Variants in LIFR observed in about 807,000 individuals in gnomAD.
The protein encoded by LIFR is leukemia inhibitory factor receptor.
LIFR carries 84 observed loss-of-function variants against 122.2 expected under a neutral mutation model. The ratio of observed to expected loss-of-function variants is 0.69; its 90% confidence interval spans 0.58 to 0.82. The LOEUF (loss-of-function observed/expected upper bound fraction) is 0.82. Among genes scored for constraint, LIFR ranks in the 40% least tolerant of loss-of-function variants. LIFR has a pLI of 0.00. For missense variants in LIFR, 1,294 were observed against 1,311.6 expected, an observed-to-expected ratio of 0.99 and a Z score of 0.21; for synonymous variants, 422 against 434.7, an observed-to-expected ratio of 0.97 and a Z score of 0.36.
chr5:38,594,769 T>C (rs571825542), intron 1 of LIFR, among the ~76,000 whole-genome samples: 15 of 152,318 alleles, frequency 9.8e-5, no homozygotes. Flanking sequence ...GCTGATAATC[T>C]AATGTAGTTA....
chr5:38,504,594 CA>C (rs113723055), intron 9 of LIFR, among the ~76,000 whole-genome samples: 12 of 151,440 alleles, frequency 7.9e-5, no homozygotes, highest in South Asian at 2.1e-4. Flanking sequence ...AAAAATTAGC[CA>C]AAAAAAATGC....
At position 38,493,676 on chromosome 5, in the gene LIFR, A is replaced by C; in HGVS notation, c.1995T>G (p.Ser665=). 1.2e-6 allele frequency: 2 copies of C among 1,614,218 alleles called. No individual in the cohort carries two copies. The highest frequency in any genetic ancestry group is 1.7e-6 in the Non-Finnish European group (2 of 1,180,032). ...CDYVIKWCNS[S]RSEPCLMDWR... The stretch of plus-strand genomic sequence containing the variant: ...AGTCCATAAGGCATGGTTCCGACCG[A>C]GACGAGTTACACCACTTAATGACGT... Residue 665 remains serine, a synonymous_variant, in exon 14 of 20, where the codon TCT becomes TCG. Coordinates refer to ENST00000453190, the MANE Select transcript of LIFR (RefSeq NM_001127671.2).
At chr5:38,526,733 G>A (rs532738198) in intron 4 of LIFR, among the ~76,000 whole-genome samples, 1 of 151,990 alleles carries the variant, frequency 6.6e-6, no homozygotes, top group Non-Finnish European at 1.5e-5. Flanking sequence ...TATTTATAAT[G>A]CTACCAATAC....
chr5:38,486,601 G>A (rs1418599060), intron 16 of LIFR, among the ~76,000 whole-genome samples: 1 of 152,076 alleles, frequency 6.6e-6, no homozygotes, highest in Non-Finnish European at 1.5e-5. Flanking sequence ...GTACTAAATG[G>A]TTACTAACAA....
intron 1 of LIFR, among the ~76,000 whole-genome samples, chr5:38,552,553 A>G (rs2112657159): frequency 6.6e-6 from 1 of 152,310 alleles, no homozygotes; most frequent in East Asian, 1.9e-4. Context: ...GAACTCTTAC[A>G]CTTATACAAA....
intron 10 of LIFR, 113 bp downstream of exon 10, chr5:38,503,863 G>A: frequency 8.9e-6 from 7 of 790,010 alleles, no homozygotes; most frequent in Non-Finnish European, 1.5e-5. Flanking sequence ...TTGGTTCTTA[G>A]TAAATCTCTA....
intron 4 of LIFR, 40 bp downstream of exon 4, chr5:38,527,115 T>G (rs750598300): frequency 1.1e-4 from 169 of 1,538,230 alleles, no homozygotes; most frequent in Non-Finnish European, 9.8e-5. Context: ...CAAGTGACAC[T>G]TGACTTACTT....
chr5:38,529,794 A>G (rs1271459372), intron 2 of LIFR, among the ~76,000 whole-genome samples: 1 of 152,204 alleles, frequency 6.6e-6, no homozygotes, highest in Non-Finnish European at 1.5e-5. Context: ...GTAGCAATAA[A>G]TTATACGGCT....
At chr5:38,569,734 G>T (rs76581140) in intron 1 of LIFR, among the ~76,000 whole-genome samples, 2 of 152,074 alleles carry the variant, frequency 1.3e-5, no homozygotes, top group Non-Finnish European at 2.9e-5. Context: ...CCCTAAAATC[G>T]CACTGTTGCT....
At chr5:38,547,103 G>C (rs1747934991) in intron 1 of LIFR, among the ~76,000 whole-genome samples, 1 of 152,148 alleles carries the variant, frequency 6.6e-6, no homozygotes, top group Admixed American at 6.5e-5. Context: ...GTGGGGGCAA[G>C]GGGAGTAAAG....
At chr5:38,533,018 T>C (rs1366872014) in intron 1 of LIFR, among the ~76,000 whole-genome samples, 1 of 152,240 alleles carries the variant, frequency 6.6e-6, no homozygotes, top group Non-Finnish European at 1.5e-5. Context: ...AGGTGCAAAC[T>C]GCAGCCCCTC....
At chr5:38,600,363 T>C, upstream of LIFR, among the ~76,000 whole-genome samples, 1 of 152,250 alleles carries the variant, frequency 6.6e-6, no homozygotes, top group East Asian at 1.9e-4. Context: ...AATAAATCTC[T>C]TCAAATACTC....
intron 1 of LIFR, among the ~76,000 whole-genome samples, chr5:38,591,506 T>A (rs901023580): frequency 1.9e-3 from 283 of 152,338 alleles, no homozygotes; most frequent in African/African-American, 6.4e-3. Context: ...ATGCTTTAAC[T>A]TTTCATCTGT....
At chr5:38,588,034 T>C (rs907599354) in intron 1 of LIFR, among the ~76,000 whole-genome samples, 5 of 152,238 alleles carry the variant, frequency 3.3e-5, no homozygotes, top group Non-Finnish European at 7.3e-5. Context: ...ACAAGGCCTG[T>C]TTTATTTTTG....
upstream of LIFR, among the ~76,000 whole-genome samples, chr5:38,600,370 A>T (rs973406333): frequency 6.6e-6 from 1 of 152,020 alleles, no homozygotes; most frequent in Non-Finnish European, 1.5e-5. Context: ...CTCTTCAAAT[A>T]CTCTACAGAG....
At chr5:38,585,471 C>A (rs1002327298) in intron 1 of LIFR, among the ~76,000 whole-genome samples, 1 of 152,216 alleles carries the variant, frequency 6.6e-6, no homozygotes, top group Non-Finnish European at 1.5e-5. Flanking sequence ...GCTTAAAAAA[C>A]ATAATTTGGG....
intron 5 of LIFR, among the ~76,000 whole-genome samples, chr5:38,515,558 C>G (rs1377515587): frequency 6.7e-6 from 1 of 148,992 alleles, no homozygotes; most frequent in Non-Finnish European, 1.5e-5. Context: ...ATCATAGACT[C>G]TATTGGAAAA....
chr5:38,571,322 C>A (rs920410563), intron 1 of LIFR, among the ~76,000 whole-genome samples: 1 of 152,060 alleles, frequency 6.6e-6, no homozygotes, highest in Non-Finnish European at 1.5e-5. Context: ...GAGGCTGAGG[C>A]GGGCGGATCA....
At chr5:38,491,622 A>G (rs772575244) in intron 14 of LIFR, among the ~76,000 whole-genome samples, 1 of 152,228 alleles carries the variant, frequency 6.6e-6, no homozygotes, top group African/African-American at 2.4e-5. Context: ...TAGTTCTCCA[A>G]TCAAGTGCCT....
Sources: allele counts gnomAD v4.1 joint callset (sites outside exome capture counted in the v4.1 genomes callset), GRCh38; gene constraint gnomAD v4.1.1; transcripts MANE v1.5; gene names NCBI Gene and HGNC (gene_info 2026-07-23, HGNC 2026-07-21).